MCM6: variants seen among roughly 807,000 people sequenced by gnomAD.
MCM6 encodes minichromosome maintenance complex component 6, also known as DNA replication licensing factor MCM6.
A neutral mutation model predicts 94.3 loss-of-function variants in MCM6; 46 were observed. The ratio of observed to expected loss-of-function variants is 0.49; its 90% CI spans 0.39 to 0.62. The LOEUF is 0.62. Among genes scored for constraint, MCM6 ranks in the 20% least tolerant of loss-of-function variants. The probability of loss-of-function intolerance (pLI) is 0.00; values close to 1 mark genes in which losing one functional copy is unlikely to be tolerated. For missense variants in MCM6, 865 were observed against 1,017.9 expected (o/e 0.85, Z 2.04); for synonymous variants, 335 against 351.9 (o/e 0.95, Z 0.54).
chr2:135,865,887 C>A (rs889635185), intron 6 of MCM6, among the ~76,000 whole-genome samples: 2 of 152,136 alleles, frequency 1.3e-5, no homozygotes, highest in Non-Finnish European at 2.9e-5. Context: ...TGTCACTCTA[C>A]TAAGACTCAC....
chr2:135,863,628 G>T (rs996444440), intron 7 of MCM6, among the ~76,000 whole-genome samples: 3 of 152,086 alleles, frequency 2.0e-5, no homozygotes, highest in African/African-American at 7.2e-5. Flanking sequence ...CTAATTTCGG[G>T]GCTGTGGTGG....
chr2:135,845,821 T>A (rs1307117748), intron 15 of MCM6, among the ~76,000 whole-genome samples: 4 of 152,236 alleles, frequency 2.6e-5, no homozygotes, highest in African/African-American at 9.6e-5. Context: ...CCATTTCTAG[T>A]CTGCAATGGC....
intron 12 of MCM6, chr2:135,851,794 G>T (rs1251865561): frequency 3.0e-6 from 1 of 338,086 alleles, no homozygotes; most frequent in Non-Finnish European, 5.4e-6. Context: ...AAAAGGCTTA[G>T]TATTTAAGCA....
chr2:135,843,257 T>A (rs1198047448), intron 16 of MCM6, among the ~76,000 whole-genome samples: 4 of 152,144 alleles, frequency 2.6e-5, no homozygotes, highest in African/African-American at 7.2e-5. Flanking sequence ...TTTGAACACA[T>A]TAAGCACGAG....
At chr2:135,866,950 A>G (rs958254127) in intron 4 of MCM6, among the ~76,000 whole-genome samples, 1 of 151,982 alleles carries the variant, frequency 6.6e-6, no homozygotes, top group African/African-American at 2.4e-5. Context: ...TAAAAACTCC[A>G]TGATGATTCA....
In MCM6 at chr2:135,868,664, T is replaced by C. The variant is rs1680143799; in HGVS notation, c.562A>G (p.Arg188Gly). Residue 188 changes from arginine (R) to glycine (G), a missense_variant, in exon 4 of 17, where the codon AGG (arginine) becomes GGG (glycine). This residue lies in a region of MCM6 where 404 missense variants were observed against 451.9 expected (regional missense o/e 0.89). Transcript: ENST00000264156. Reference sequence around the variant, plus strand: ...TTTGTATCCAGTAAGAATCTCCTCCTGTTGGCACAAACTGGATTTCGGCAG... The same window carrying C: ...TTTGTATCCAGTAAGAATCTCCTCCCGTTGGCACAAACTGGATTTCGGCAG... ...NICRNPVCAN[R>G]RRFLLDTNKS... 3 of 1,614,198 alleles carry C rather than the reference T, an allele frequency of 1.9e-6. No homozygotes were observed. Among genetic ancestry groups the C allele is most frequent in the Non-Finnish European group, 2.5e-6 (3 of 1,179,990 alleles).
At chr2:135,859,164 G>GATT in intron 9 of MCM6, 137 bp downstream of exon 9, 3 of 660,570 alleles carry the variant, frequency 4.5e-6, no homozygotes, top group Non-Finnish European at 7.4e-6. Flanking sequence ...AAAGTACTGG[G>GATT]ACAAAGGTGT....
intron 16 of MCM6, among the ~76,000 whole-genome samples, chr2:135,842,809 G>C (rs887643741): frequency 6.6e-6 from 1 of 152,164 alleles, no homozygotes; most frequent in African/African-American, 2.4e-5. Flanking sequence ...GGTGAAATGG[G>C]TATGGGGAAG....
chr2:135,863,975 G>T (rs1242424888), intron 7 of MCM6, among the ~76,000 whole-genome samples: 2 of 152,106 alleles, frequency 1.3e-5, no homozygotes, highest in African/African-American at 4.8e-5. Flanking sequence ...GCTGAGTGTT[G>T]TGGGGCAATC....
At chr2:135,867,314 A>G (rs918361250) in intron 4 of MCM6, among the ~76,000 whole-genome samples, 10 of 152,122 alleles carry the variant, frequency 6.6e-5, no homozygotes, top group Non-Finnish European at 1.3e-4. Flanking sequence ...CATATCTTCT[A>G]TTATCTAGTC....
intron 13 of MCM6, 43 bp downstream of exon 13, chr2:135,851,359 T>C: frequency 1.3e-6 from 2 of 1,514,774 alleles, no homozygotes; most frequent in Non-Finnish European, 1.8e-6. Context: ...ATGCAACAAA[T>C]CTGTTTATCT....
At chr2:135,870,441 A>G (rs1680179611) in intron 2 of MCM6, 80 bp from the exon 3 acceptor site, 2 of 917,086 alleles carry the variant, frequency 2.2e-6, no homozygotes, top group South Asian at 2.7e-5. Context: ...AACAGCCGAG[A>G]TTAAGGAATT....
At chr2:135,869,272 G>T (rs1197112107) in intron 3 of MCM6, among the ~76,000 whole-genome samples, 1 of 151,978 alleles carries the variant, frequency 6.6e-6, no homozygotes, top group African/African-American at 2.4e-5. Flanking sequence ...GTGGTGGCGG[G>T]CGCCTGTAAT....
chr2:135,854,260 CG>C (rs942542454), intron 11 of MCM6, among the ~76,000 whole-genome samples: 10 of 151,646 alleles, frequency 6.6e-5, no homozygotes, highest in Non-Finnish European at 8.8e-5. Context: ...AGGCTGGGCC[CG>C]GTGGCTCACG....
Position 135,866,641 on chromosome 2 carries a change from A to C in MCM6, c.703T>G (p.Ser235Ala), listed in dbSNP as rs934571521. The change falls in exon 5 of 17, where the codon TCA becomes GCA. Residue 235 changes from serine (S) to alanine (A), a missense_variant. Ser to Ala is a moderately conservative substitution (Grantham distance 99). Transcript: ENST00000264156. ...TCACACTTGTCACCAGCTTGAGCTG[A>C]TTCCACAGCTTCAGCCCTTAAAATT... ...EVILRAEAVE[S>A]AQAGDKCDFT... The C allele has an allele frequency of 6.2e-7, 1 of 1,614,066 alleles. No individual in the cohort carries two copies. Among genetic ancestry groups the C allele is most frequent in the Non-Finnish European group, 8.5e-7 (1 of 1,180,010 alleles).
intron 14 of MCM6, among the ~76,000 whole-genome samples, chr2:135,847,197 T>C (rs1294131434): frequency 6.6e-6 from 1 of 152,102 alleles, no homozygotes; most frequent in Non-Finnish European, 1.5e-5. Flanking sequence ...CAGTATTATA[T>C]ACAAAATAAA....
intron 1 of MCM6, among the ~76,000 whole-genome samples, chr2:135,873,365 G>A (rs1293068498): frequency 6.6e-6 from 1 of 152,180 alleles, no homozygotes; most frequent in African/African-American, 2.4e-5. Context: ...TTCCATTTCT[G>A]TAGGGAATTT....
intron 1 of MCM6, among the ~76,000 whole-genome samples, chr2:135,874,305 T>A (rs551089652): frequency 6.6e-6 from 1 of 152,232 alleles, no homozygotes; most frequent in South Asian, 2.1e-4. Context: ...CCAGAGATAA[T>A]GAAAAACAAA....
chr2:135,846,291 C>CA lies in MCM6; in HGVS notation c.2154dup (p.Glu719Ter). ...ATAAGGTTAGAGATTCGGCAGTACTCAGAGAAGCCCAGCCTTAAGGAGGCT... is the reference window on the plus strand; with the variant it reads ...ATAAGGTTAGAGATTCGGCAGTACTCAAGAGAAGCCCAGCCTTAAGGAGGCT... On this transcript the variant is annotated frameshift_variant, in exon 15 of 17. Transcript: ENST00000264156. LOFTEE classifies it high-confidence loss of function. 1 of 1,614,116 alleles carries CA rather than the reference C, an allele frequency of 6.2e-7. No homozygotes were observed. Among genetic ancestry groups the CA allele is most frequent in the South Asian group, 1.1e-5 (1 of 91,080 alleles).
Sources: gnomAD v4.1 joint callset for allele counts (sites outside exome capture counted in the v4.1 genomes callset) on GRCh38, gnomAD v4.1.1 for gene constraint, gnomAD v4.1.1 regional missense constraint, MANE v1.5 for transcripts, NCBI Gene and HGNC (gene_info 2026-07-23, HGNC 2026-07-21) for gene names.